Variants in NRXN3 observed in about 807,000 individuals in gnomAD.
The protein encoded by NRXN3 is neurexin 3.
Under a neutral mutation model 137.6 loss-of-function variants are expected in NRXN3, and 32 were observed. That is an observed-to-expected ratio of 0.23 (90% CI 0.18 to 0.31). The LOEUF is 0.31. NRXN3 is among the 10% of genes least tolerant of loss of function. The pLI, the probability that NRXN3 is intolerant of heterozygous loss-of-function variation, is 1.00. For synonymous variants in NRXN3, 798 were observed against 784.5 expected (o/e 1.02, Z -0.29); for missense variants, 1,574 against 2,062.5 (o/e 0.76, Z 4.59).
intron 15 of NRXN3, among the ~76,000 whole-genome samples, chr14:79,428,971 A>T: frequency 6.6e-6 from 1 of 152,210 alleles, no homozygotes; most frequent in East Asian, 1.9e-4. Context: ...TATTTAACAA[A>T]TTCTTATGAG....
At chr14:79,232,525 G>A (rs550263876) in intron 15 of NRXN3, among the ~76,000 whole-genome samples, 1 of 151,964 alleles carries the variant, frequency 6.6e-6, no homozygotes, top group East Asian at 1.9e-4. Context: ...ATATTTTCTG[G>A]CTACTGAGCT....
At chr14:79,145,913 C>T (rs76706803) in intron 15 of NRXN3, among the ~76,000 whole-genome samples, 4,410 of 152,168 alleles carry the variant, frequency 0.029, 110 homozygotes, top group East Asian at 0.066. Flanking sequence ...ACTAGTGAAA[C>T]CTTTTCCAAA....
At chr14:78,621,625 C>G (rs960498867) in intron 4 of NRXN3, among the ~76,000 whole-genome samples, 1 of 151,970 alleles carries the variant, frequency 6.6e-6, no homozygotes, top group Non-Finnish European at 1.5e-5. Context: ...TTTATTCAAT[C>G]ATACCAATCT....
intron 16 of NRXN3, among the ~76,000 whole-genome samples, chr14:79,553,713 C>T (rs2097398980): frequency 6.6e-6 from 1 of 152,126 alleles, no homozygotes; most frequent in Non-Finnish European, 1.5e-5. Flanking sequence ...ACTAAAGCCA[C>T]AGGGTAGTGG....
chr14:79,091,892 T>C (rs905938544), intron 15 of NRXN3, among the ~76,000 whole-genome samples: 4 of 152,178 alleles, frequency 2.6e-5, no homozygotes, highest in African/African-American at 7.2e-5. Flanking sequence ...GTGTCCACTT[T>C]TGTTATGTTT....
At chr14:79,484,689 G>A (rs933685087) in intron 16 of NRXN3, among the ~76,000 whole-genome samples, 5 of 152,044 alleles carry the variant, frequency 3.3e-5, no homozygotes, top group African/African-American at 1.2e-4. Flanking sequence ...CACAATTTGG[G>A]GTCATACCTT....
Position 78,709,257 on chromosome 14 carries a change from G to T in NRXN3, c.1262G>T (p.Arg421Leu). 2 of 1,613,982 alleles carry T rather than the reference G, an allele frequency of 1.2e-6. No homozygotes were observed. The highest frequency in any genetic ancestry group is 1.7e-6 in the Non-Finnish European group (2 of 1,179,946). The stretch of plus-strand genomic sequence containing the variant: ...AATGACATCCGTCTGGAGCTGTCTC[G>T]CCTGGCCCGGATTGCGGACACCAAG... The part of the protein sequence containing the change: ...KNNDIRLELS[R>L]LARIADTKMK... The change falls in exon 7 of 21, where the codon CGC (arginine) becomes CTC (leucine). Residue 421 changes from arginine (R) to leucine (L), a missense_variant. Around this residue, in one of 5 missense-constraint regions of NRXN3, gnomAD observed 718 missense variants for 887.6 expected, o/e 0.81. Transcript: ENST00000335750.
intron 10 of NRXN3, among the ~76,000 whole-genome samples, chr14:78,945,050 A>G (rs2099362507): frequency 6.6e-6 from 1 of 152,208 alleles, no homozygotes; most frequent in Non-Finnish European, 1.5e-5. Context: ...TTATGCATAT[A>G]GACGACATCT....
In NRXN3 at chr14:78,378,414, C is replaced by T. The variant is rs142132517; in HGVS notation, c.757+80554C>T. On this transcript the variant is annotated intron_variant, in intron 4 of 20. Coordinates refer to ENST00000335750, the MANE Select transcript of NRXN3 (RefSeq NM_001330195.2). ...GTGAGAGAATCGCTTGAACCCGGGA[C>T]GTGGATGTTGCAGAGAGCCAAGATC... Among the ~76,000 whole-genome samples, 91 of 148,306 alleles carry T rather than the reference C, an allele frequency of 6.1e-4. 2 individuals carry two copies. In the East Asian group the frequency reaches 6.8e-3, roughly 11 times the overall value.
At chr14:78,887,653 A>G (rs925028750) in intron 10 of NRXN3, among the ~76,000 whole-genome samples, 2 of 152,018 alleles carry the variant, frequency 1.3e-5, no homozygotes, top group East Asian at 3.9e-4. Context: ...GTTTTATCAG[A>G]TTTTCTAAAA....
intron 10 of NRXN3, among the ~76,000 whole-genome samples, chr14:78,838,257 AT>A (rs992079746): frequency 4.6e-5 from 7 of 152,160 alleles, no homozygotes; most frequent in African/African-American, 1.7e-4. Flanking sequence ...ATCTTAGACC[AT>A]TCTATGCTTT....
chr14:79,442,702 A>T (rs1343497594), intron 15 of NRXN3, among the ~76,000 whole-genome samples: 1 of 152,206 alleles, frequency 6.6e-6, no homozygotes, highest in Non-Finnish European at 1.5e-5. Context: ...AAAGAAAAAA[A>T]CACTATTGTT....
At chr14:78,365,680 G>A (rs2085824211) in intron 4 of NRXN3, among the ~76,000 whole-genome samples, 1 of 152,142 alleles carries the variant, frequency 6.6e-6, no homozygotes. Context: ...AAAATGTGGA[G>A]ACTAATTTGC....
intron 1 of NRXN3, among the ~76,000 whole-genome samples, chr14:78,171,037 G>A (rs1323591657): frequency 2.7e-5 from 4 of 149,374 alleles, no homozygotes; most frequent in Non-Finnish European, 4.4e-5. Flanking sequence ...TTCATTTTGG[G>A]CAGATACTTT....
At chr14:79,322,467 C>T (rs2090190757) in intron 15 of NRXN3, among the ~76,000 whole-genome samples, 1 of 152,140 alleles carries the variant, frequency 6.6e-6, no homozygotes, top group African/African-American at 2.4e-5. Flanking sequence ...AAGACCTCCT[C>T]TATGCCAGGC....
At chr14:79,435,406 G>A (rs868631420) in intron 15 of NRXN3, among the ~76,000 whole-genome samples, 21 of 151,998 alleles carry the variant, frequency 1.4e-4, no homozygotes, top group African/African-American at 3.9e-4. Flanking sequence ...TTTTGTGCAC[G>A]TGTTGCTGGT....
intron 19 of NRXN3, among the ~76,000 whole-genome samples, chr14:79,704,786 A>G (rs2098770110): frequency 6.6e-6 from 1 of 152,002 alleles, no homozygotes; most frequent in South Asian, 2.1e-4. Flanking sequence ...GAGAAATTGC[A>G]CTCTAATTTA....
chr14:78,510,360 T>C (rs2096079549), intron 4 of NRXN3, among the ~76,000 whole-genome samples: 1 of 152,152 alleles, frequency 6.6e-6, no homozygotes, highest in Non-Finnish European at 1.5e-5. Flanking sequence ...ATTCAGAGTT[T>C]AATCCTCTGG....
intron 4 of NRXN3, among the ~76,000 whole-genome samples, chr14:78,449,028 CT>C (rs2094489894): frequency 6.6e-6 from 1 of 152,118 alleles, no homozygotes; most frequent in Non-Finnish European, 1.5e-5. Flanking sequence ...CACTCGGTGC[CT>C]TTTTGGATAA....
Sources: gnomAD v4.1 joint callset for allele counts (sites outside exome capture counted in the v4.1 genomes callset) on GRCh38, gnomAD v4.1.1 for gene constraint, gnomAD v4.1.1 regional missense constraint, MANE v1.5 for transcripts, NCBI Gene and HGNC (gene_info 2026-07-23, HGNC 2026-07-21) for gene names.